The following MTCL1 variants were observed in gnomAD, a reference collection of about 807,000 sequenced individuals.
MTCL1 encodes microtubule cross-linking factor 1.
MTCL1 carries 79 observed loss-of-function variants against 141.4 expected under a neutral mutation model. The observed-to-expected ratio is 0.56, with a 90% confidence interval of 0.47 to 0.67. MTCL1 has a LOEUF of 0.67. Among genes scored for constraint, MTCL1 ranks in the 30% least tolerant of loss-of-function variants. The pLI, the probability that MTCL1 is intolerant of heterozygous loss-of-function variation, is 0.00. For missense variants in MTCL1, 2,177 were observed against 2,113.9 expected (o/e 1.03, Z -0.59); for synonymous variants, 914 against 875.8 (o/e 1.04, Z -0.77).
In MTCL1 at chr18:8,822,627, G is replaced by C. The variant is rs1370239611; in HGVS notation, c.3188+1129G>C. On this transcript the variant is annotated intron_variant, in intron 14 of 16. Coordinates refer to ENST00000359865, the Ensembl canonical transcript of MTCL1. This position sits in a 1 kb window ranked among gnomAD's most constrained non-coding sequence, Gnocchi z 4.6. ...GGTTTGAATCGCTTCTGCCTCCTTG[G>C]GTAGGTTACTCAACTGCTTTGTGCC... Among the ~76,000 whole-genome samples the C allele has an allele frequency of 1.3e-5, 2 of 152,116 alleles. No homozygotes were observed. The highest frequency in any genetic ancestry group is 4.8e-5 in the African/African-American group (2 of 41,422).
chr18:8,780,293 G>A (rs75121472), intron 5 of MTCL1, among the ~76,000 whole-genome samples: 1,799 of 152,324 alleles, frequency 0.012, 19 homozygotes, highest in Middle Eastern at 0.034. Context: ...AAAGCTTCCC[G>A]CACCATGCAG....
At chr18:8,725,388 G>A (rs972987140) in intron 4 of MTCL1, among the ~76,000 whole-genome samples, 7 of 152,232 alleles carry the variant, frequency 4.6e-5, no homozygotes, top group Non-Finnish European at 8.8e-5. Flanking sequence ...TGAGACGAAT[G>A]TGTTTTGGGG....
rs141580055 is a variant in MTCL1, at chr18:8,819,778, G to A, written c.3156+519G>A. Among the ~76,000 whole-genome samples, 1,433 of 152,030 alleles carry A rather than the reference G, an allele frequency of 9.4e-3. 18 individuals carry two copies. Among genetic ancestry groups the A allele is most frequent in the African/African-American group, 0.033 (1,382 of 41,464 alleles). Reference sequence around the variant, plus strand: ...CTACCATGCCTGGCTAATTTATTTTGTTTTATTTTTTAAGTAGAGACAGGG... The same window carrying A: ...CTACCATGCCTGGCTAATTTATTTTATTTTATTTTTTAAGTAGAGACAGGG... On this transcript the variant is annotated intron_variant, in intron 13 of 16. Coordinates refer to ENST00000359865, the Ensembl canonical transcript of MTCL1.
chr18:8,804,792 AC>A (rs991840103), intron 10 of MTCL1, among the ~76,000 whole-genome samples: 3 of 152,172 alleles, frequency 2.0e-5, no homozygotes, highest in African/African-American at 7.2e-5. Flanking sequence ...AGAGTTTGAG[AC>A]CAGCCTGAGC....
exon 12 of MTCL1, chr18:8,813,175 A>G (rs753079230): frequency 6.2e-7 from 1 of 1,613,812 alleles, no homozygotes; most frequent in South Asian, 1.1e-5. Context: ...GACCGCCTGG[A>G]CAGAGATCGG....
intron 13 of MTCL1, among the ~76,000 whole-genome samples, chr18:8,819,879 G>A (rs977267013): frequency 6.6e-6 from 1 of 152,064 alleles, no homozygotes; most frequent in Non-Finnish European, 1.5e-5. Flanking sequence ...CCAAAGTGCC[G>A]GGATTACAGG....
chr18:8,758,808 G>C (rs903113966), intron 4 of MTCL1, among the ~76,000 whole-genome samples: 1 of 152,178 alleles, frequency 6.6e-6, no homozygotes, highest in Non-Finnish European at 1.5e-5. Context: ...CAAAACTATT[G>C]TTGCAAATTC....
rs1170113286 is a variant in MTCL1, at chr18:8,830,561, C to T, written c.*19-1046C>T. The T allele has an allele frequency of 2.0e-6, 2 of 986,142 alleles. No individual in the cohort carries two copies. The highest frequency in any genetic ancestry group is 1.7e-5 in the African/African-American group (1 of 57,268). 61.1% of individuals were successfully genotyped at this position (986,142 alleles called of 1,614,324 possible). A position where few individuals can be genotyped will look rare whatever the true frequency, so the allele number is the denominator to read the frequency against. ...TCCCCTGCACCACTGGCTGGGCTGTCCTCATCCTGGTCTTTTCAGTTGCTT... is the reference window on the plus strand; with the variant it reads ...TCCCCTGCACCACTGGCTGGGCTGTTCTCATCCTGGTCTTTTCAGTTGCTT... On this transcript the variant is annotated intron_variant, in intron 16 of 16. Transcript: ENST00000359865. The surrounding 1 kb of genome is among the most constrained non-coding windows in gnomAD (Gnocchi z 6.4).
intron 4 of MTCL1, among the ~76,000 whole-genome samples, chr18:8,763,773 G>T (rs565524021): frequency 1.6e-4 from 25 of 152,278 alleles, no homozygotes; most frequent in African/African-American, 6.0e-4. Context: ...TCTCCTGGTG[G>T]TTTGACTCAT....
At chr18:8,786,229 G>A (rs532568428) in intron 7 of MTCL1, 138 bp downstream of exon 6, 6 of 1,011,028 alleles carry the variant, frequency 5.9e-6, no homozygotes, top group South Asian at 5.5e-5. Flanking sequence ...GAACTCACTT[G>A]ACAGCAAACC....
At chr18:8,737,122 A>C (rs915089404) in intron 4 of MTCL1, among the ~76,000 whole-genome samples, 1 of 151,966 alleles carries the variant, frequency 6.6e-6, no homozygotes, top group African/African-American at 2.4e-5. Context: ...ATTGCCTGTA[A>C]CTCTGCATGT....
At chr18:8,809,349 A>C (rs2076403052) in intron 11 of MTCL1, 1 of 1,417,406 alleles carries the variant, frequency 7.1e-7, no homozygotes, top group African/African-American at 1.4e-5. Flanking sequence ...GGTTATAAAC[A>C]TAGGCAACAA....
chr18:8,786,162 T>G, intron 7 of MTCL1, 71 bp downstream of exon 6: 1 of 1,369,506 alleles, frequency 7.3e-7, no homozygotes, highest in Non-Finnish European at 9.7e-7. Flanking sequence ...CTGTGTGACG[T>G]TTTCTGTCCC....
chr18:8,803,411 A>G (rs2076187579), intron 10 of MTCL1, among the ~76,000 whole-genome samples: 1 of 152,200 alleles, frequency 6.6e-6, no homozygotes, highest in Admixed American at 6.5e-5. Context: ...TTGGCAAATA[A>G]TTTAGTACAT....
At chr18:8,714,890 G>A (rs546377850), upstream of MTCL1, among the ~76,000 whole-genome samples, 63 of 152,000 alleles carry the variant, frequency 4.1e-4, no homozygotes, top group South Asian at 2.9e-3. Flanking sequence ...TCCACCTCCC[G>A]GGTTCACGCC....
chr18:8,765,193 C>T (rs2096453840), intron 4 of MTCL1, among the ~76,000 whole-genome samples: 1 of 152,190 alleles, frequency 6.6e-6, no homozygotes, highest in Non-Finnish European at 1.5e-5. Flanking sequence ...AGCACATTTG[C>T]ACCTCAGGAT....
Position 8,779,599 on chromosome 18 carries a change from G to A in MTCL1, c.417+1707G>A, listed in dbSNP as rs532745127. On this transcript the variant is annotated intron_variant, in intron 5 of 16. Coordinates refer to ENST00000359865, the Ensembl canonical transcript of MTCL1. This position sits in a 1 kb window ranked among gnomAD's most constrained non-coding sequence, Gnocchi z 4.1. ...CGCCCCTCTCCTGTACACAACACCCGGCAGGTGCAGCGGGCCCTGCTCCAG... is the reference window on the plus strand; with the variant it reads ...CGCCCCTCTCCTGTACACAACACCCAGCAGGTGCAGCGGGCCCTGCTCCAG... 5.3e-5 allele frequency among the ~76,000 whole-genome samples: 8 copies of A among 152,164 alleles called. No homozygotes were observed. Among genetic ancestry groups the A allele is most frequent in the Admixed American group, 2.6e-4 (4 of 15,280 alleles).
chr18:8,826,428 A>G (rs2144509418), intron 15 of MTCL1, among the ~76,000 whole-genome samples, 196 bp downstream of exon 14: 1 of 152,294 alleles, frequency 6.6e-6, no homozygotes, highest in Non-Finnish European at 1.5e-5. Context: ...TTTTTGAAGA[A>G]AATGTTATTT....
intron 4 of MTCL1, among the ~76,000 whole-genome samples, chr18:8,728,720 CTTTTT>C (rs34524200): frequency 4.6e-4 from 27 of 59,064 alleles, no homozygotes; most frequent in African/African-American, 1.8e-3. Flanking sequence ...GTTGTCCATT[CTTTTT>C]TTTTTTTTTT....
Sources: gnomAD v4.1 joint callset for allele counts (sites outside exome capture counted in the v4.1 genomes callset) on GRCh38, gnomAD v4.1.1 for gene constraint, Gnocchi (gnomAD v3.1) non-coding constraint, MANE v1.5 for transcripts, NCBI Gene and HGNC (gene_info 2026-07-23, HGNC 2026-07-21) for gene names.